The following ROBO2 variants were observed in gnomAD, a reference collection of about 807,000 sequenced individuals.
ROBO2 encodes the protein roundabout homolog 2.
ROBO2 carries 53 observed loss-of-function variants against 160.8 expected under a neutral mutation model. The ratio of observed to expected loss-of-function variants is 0.33; its 90% CI spans 0.26 to 0.41. The LOEUF (loss-of-function observed/expected upper bound fraction) is 0.41. Among genes scored for constraint, ROBO2 ranks in the 10% least tolerant of loss-of-function variants. The pLI is 1.00. For synonymous variants in ROBO2, 664 were observed against 611.7 expected (o/e 1.09, Z -1.26); for missense variants, 1,577 against 1,722.4 (o/e 0.92, Z 1.49).
At chr3:77,020,638 A>G (rs2062573391) in intron 2 of ROBO2, among the ~76,000 whole-genome samples, 1 of 152,188 alleles carries the variant, frequency 6.6e-6, no homozygotes, top group East Asian at 1.9e-4. Context: ...TCTAATATCA[A>G]CAACCAAATG....
chr3:76,648,807 A>G (rs1158655188), intron 2 of ROBO2, among the ~76,000 whole-genome samples: 1 of 152,156 alleles, frequency 6.6e-6, no homozygotes, highest in African/African-American at 2.4e-5. Flanking sequence ...AGACTAGTTG[A>G]TGGCTTTTTA....
intron 2 of ROBO2, among the ~76,000 whole-genome samples, chr3:76,222,123 C>G (rs1333845048): frequency 6.6e-6 from 1 of 152,122 alleles, no homozygotes; most frequent in African/African-American, 2.4e-5. Context: ...CATGCATAAC[C>G]TTCATCCCTG....
intron 2 of ROBO2, among the ~76,000 whole-genome samples, chr3:76,452,920 G>A (rs1200922649): frequency 5.3e-5 from 8 of 152,126 alleles, no homozygotes; most frequent in Admixed American, 3.3e-4. Flanking sequence ...TTTCTCTGAT[G>A]GCCAGTGATG....
intron 2 of ROBO2, among the ~76,000 whole-genome samples, chr3:76,102,099 G>A (rs2069719256): frequency 6.6e-6 from 1 of 151,846 alleles, no homozygotes; most frequent in Non-Finnish European, 1.5e-5. Flanking sequence ...GTGTCCATGT[G>A]TTCCCATTGT....
At chr3:76,518,186 G>A (rs527712077) in intron 2 of ROBO2, among the ~76,000 whole-genome samples, 6 of 152,210 alleles carry the variant, frequency 3.9e-5, no homozygotes, top group Admixed American at 2.6e-4. Context: ...TTTTGAGAAG[G>A]CAGTCCACAA....
At chr3:76,546,272 T>C (rs73129132) in intron 2 of ROBO2, among the ~76,000 whole-genome samples, 7,225 of 151,998 alleles carry the variant, frequency 0.048, 202 homozygotes, top group African/African-American at 0.075. Context: ...ATAAATGGAA[T>C]TTAAAGAAAA....
chr3:76,061,005 C>A (rs555597733), intron 2 of ROBO2, among the ~76,000 whole-genome samples: 1 of 152,236 alleles, frequency 6.6e-6, no homozygotes, highest in East Asian at 1.9e-4. Context: ...AAGATTATTG[C>A]AAAACTCCAC....
chr3:76,160,335 A>G (rs1393505364), intron 2 of ROBO2, among the ~76,000 whole-genome samples: 1 of 152,192 alleles, frequency 6.6e-6, no homozygotes, highest in Non-Finnish European at 1.5e-5. Flanking sequence ...TCTGGTTTCA[A>G]TAGTTTTGGC....
At chr3:76,956,737 T>A (rs2079300959) in intron 2 of ROBO2, among the ~76,000 whole-genome samples, 1 of 151,926 alleles carries the variant, frequency 6.6e-6, no homozygotes, top group African/African-American at 2.4e-5. Flanking sequence ...TTCCCAAACT[T>A]GCCTCATAAA....
At chr3:76,685,322 G>C (rs1023440496) in intron 2 of ROBO2, among the ~76,000 whole-genome samples, 1 of 151,338 alleles carries the variant, frequency 6.6e-6, no homozygotes, top group Admixed American at 6.6e-5. Flanking sequence ...GGGATATCCT[G>C]TTCTTTAATT....
chr3:76,879,758 G>T (rs1039372357), intron 2 of ROBO2, among the ~76,000 whole-genome samples: 1 of 152,006 alleles, frequency 6.6e-6, no homozygotes, highest in Non-Finnish European at 1.5e-5. Flanking sequence ...ATGTTTATTC[G>T]TAGTTAACTT....
chr3:76,018,955 A>C (rs1258355336), intron 2 of ROBO2, among the ~76,000 whole-genome samples: 5 of 151,482 alleles, frequency 3.3e-5, no homozygotes, highest in African/African-American at 7.3e-5. Flanking sequence ...TATTCCTTCA[A>C]ATTGGCTAAT....
intron 2 of ROBO2, among the ~76,000 whole-genome samples, chr3:76,963,725 C>A (rs1004115302): frequency 1.3e-4 from 19 of 149,944 alleles, no homozygotes; most frequent in African/African-American, 2.5e-5. Flanking sequence ...AGAAGGAAAG[C>A]TTATAAATCA....
At chr3:76,602,790 T>C (rs1006096935) in intron 2 of ROBO2, among the ~76,000 whole-genome samples, 7 of 151,318 alleles carry the variant, frequency 4.6e-5, no homozygotes, top group East Asian at 1.9e-4. Flanking sequence ...TCCCACTGGG[T>C]TCCTCCCATG....
intron 2 of ROBO2, among the ~76,000 whole-genome samples, chr3:76,557,985 C>T (rs1213597687): frequency 7.1e-6 from 1 of 140,918 alleles, no homozygotes; most frequent in African/African-American, 2.5e-5. Context: ...AGGCATTCAA[C>T]TATTTTGAAC....
At chr3:76,891,735 A>G (rs2074358846) in intron 2 of ROBO2, among the ~76,000 whole-genome samples, 1 of 152,190 alleles carries the variant, frequency 6.6e-6, no homozygotes, top group Non-Finnish European at 1.5e-5. Flanking sequence ...AAAGGAGGAG[A>G]ACCTATAAAT....
intron 1 of ROBO2, among the ~76,000 whole-genome samples, chr3:77,043,443 A>G (rs2064298826): frequency 6.6e-6 from 1 of 152,204 alleles, no homozygotes; most frequent in Non-Finnish European, 1.5e-5. Context: ...GCGTTTTGCC[A>G]CCTCATAGAA....
At chr3:77,346,648 T>C (rs1165987407) in intron 2 of ROBO2, among the ~76,000 whole-genome samples, 2 of 152,156 alleles carry the variant, frequency 1.3e-5, no homozygotes, top group Non-Finnish European at 2.9e-5. Flanking sequence ...ATCTGCTTTT[T>C]AGCTCATCCA....
intron 2 of ROBO2, among the ~76,000 whole-genome samples, chr3:77,206,229 G>T (rs979102956): frequency 6.6e-6 from 1 of 151,918 alleles, no homozygotes; most frequent in Non-Finnish European, 1.5e-5. Context: ...GAGTGCAATG[G>T]CGCGATCTCA....
Sources: gnomAD v4.1 joint callset for allele counts (sites outside exome capture counted in the v4.1 genomes callset) on GRCh38, gnomAD v4.1.1 for gene constraint, MANE v1.5 for transcripts, NCBI Gene and HGNC (gene_info 2026-07-23, HGNC 2026-07-21) for gene names.